AHNAK: variants seen among roughly 807,000 people sequenced by gnomAD.
AHNAK encodes AHNAK nucleoprotein.
AHNAK carries 23 observed loss-of-function variants against 37.8 expected under a neutral mutation model. That is an observed-to-expected ratio of 0.61 (90% confidence interval 0.44 to 0.86). AHNAK has a LOEUF of 0.86. Among genes scored for constraint, AHNAK ranks in the 40% least tolerant of loss-of-function variants. AHNAK has a pLI of 0.00. For missense variants in AHNAK, 7,411 were observed against 7,319.4 expected (o/e 1.01, Z -0.46); for synonymous variants, 2,481 against 2,636.3 (o/e 0.94, Z 1.80).
chr11:62,512,945 A>G (rs898954153), downstream of AHNAK, among the ~76,000 whole-genome samples: 1 of 151,712 alleles, frequency 6.6e-6, no homozygotes, highest in Non-Finnish European at 1.5e-5. This position sits in a 1 kb window ranked among gnomAD's most constrained non-coding sequence, Gnocchi z 4.0. Flanking sequence ...GGGAGGGAGG[A>G]AGGAAGGAAA....
chr11:62,500,410 G>A (rs2134173547), intron 4 of AHNAK, among the ~76,000 whole-genome samples: 1 of 152,276 alleles, frequency 6.6e-6, no homozygotes, highest in East Asian at 1.9e-4. Flanking sequence ...GTTCACACAG[G>A]TGCTAGAAGG....
Position 62,531,272 on chromosome 11 carries a change from T to C in AHNAK, c.3145A>G (p.Lys1049Glu). The change falls in exon 5 of 5, where the codon AAG (lysine) becomes GAG (glutamate). Residue 1049 changes from lysine to glutamate, a missense_variant. Coordinates refer to ENST00000378024, the MANE Select transcript of AHNAK (RefSeq NM_001620.3). ...PDLSLEGPEG[K>E]LKGPKFKMPE... ...ATCTTAAACTTCGGGCCTTTCAACT[T>C]CCCTTCAGGTCCTTCAAGGCTCAGA... is the stretch of plus-strand genomic sequence containing the variant. 1 of 1,613,350 alleles carries C rather than the reference T, an allele frequency of 6.2e-7. No homozygotes were observed. The highest frequency in any genetic ancestry group is 8.5e-7 in the Non-Finnish European group (1 of 1,179,702).
Position 62,525,967 on chromosome 11 carries a change from T to C in AHNAK, c.8450A>G (p.Lys2817Arg), listed in dbSNP as rs554480486. The C allele has an allele frequency of 2.5e-6, 4 of 1,613,944 alleles. No individual in the cohort carries two copies. The highest frequency in any genetic ancestry group is 3.4e-6 in the Non-Finnish European group (4 of 1,180,004). The change falls in exon 5 of 5, where the codon AAG becomes AGG. Residue 2817 changes from lysine to arginine, a missense_variant. Lys to Arg is a conservative substitution (Grantham distance 26). Transcript: ENST00000378024. ...PDVNIEGPEG[K>R]WKSPKFKMPE... ...CATCTTAAACTTTGGACTTTTCCAC[T>C]TTCCTTCAGGTCCTTCGATATTCAC...
At chr11:62,457,156 C>G (rs1938674043) in intron 5 of AHNAK, among the ~76,000 whole-genome samples, 1 of 152,052 alleles carries the variant, frequency 6.6e-6, no homozygotes, top group African/African-American at 2.4e-5. Flanking sequence ...AGAATACCCT[C>G]TACTAAAAAT....
At chr11:62,473,700 G>T (rs886332081) in intron 5 of AHNAK, among the ~76,000 whole-genome samples, 1 of 150,098 alleles carries the variant, frequency 6.7e-6, no homozygotes, top group Non-Finnish European at 1.5e-5. Context: ...AAAAAAAGCT[G>T]TATAAAACAA....
chr11:62,482,377 T>C (rs1463931755), intron 5 of AHNAK, among the ~76,000 whole-genome samples: 3 of 151,290 alleles, frequency 2.0e-5, no homozygotes. Context: ...ATCGCGCCAC[T>C]GCACTCCAGC....
chr11:62,471,738 A>T lies in AHNAK; in HGVS notation c.442+19994T>A, dbSNP rs1457287579. On this transcript the variant is annotated intron_variant, in intron 5 of 5. Transcript: ENST00000257247. ...GGGGCCAGGCAGCCCATGGCAGGTG[A>T]AGCCGGACATGCCCTGAGGCCTGGG... 2.6e-5 allele frequency among the ~76,000 whole-genome samples: 4 copies of T among 152,216 alleles called. No individual in the cohort carries two copies. In the East Asian group the frequency reaches 7.7e-4, roughly 29 times the overall value.
chr11:62,530,112 T>G lies in AHNAK; in HGVS notation c.4305A>C (p.Lys1435Asn). ...VNIEGPDAKL[K>N]GPKFKMPEMS... ...TTTCTGGCATCTTGAATTTGGGACC[T>G]TTTAGTTTTGCGTCTGGACCTTCAA... Residue 1435 changes from lysine (K) to asparagine (N), a missense_variant, in exon 5 of 5, where the codon AAA becomes AAC. Physicochemically the swap from Lys to Asn is moderately conservative, Grantham distance 94. Coordinates refer to ENST00000378024, the MANE Select transcript of AHNAK (RefSeq NM_001620.3). 6.2e-7 allele frequency: 1 copy of G among 1,614,162 alleles called. No homozygotes were observed. Among genetic ancestry groups the G allele is most frequent in the South Asian group, 1.1e-5 (1 of 91,082 alleles).
In AHNAK at chr11:62,533,376, C is replaced by G. The variant is rs1165526650; in HGVS notation, c.1041G>C (p.Leu347Phe). The G allele has an allele frequency of 1.3e-6, 2 of 1,584,290 alleles. No homozygotes were observed. Among genetic ancestry groups the G allele is most frequent in the South Asian group, 2.4e-5 (2 of 84,340 alleles). Residue 347 changes from leucine (L) to phenylalanine (F), a missense_variant, in exon 5 of 5, where the codon TTG (leucine) becomes TTC (phenylalanine). Transcript: ENST00000378024. ...CTTCCAGCTGAGGGGCTTGGATAGT[C>G]AAGCCTGGCTTGCCGCCCTTGTGCC... ...SVGHKGGKPG[L>F]TIQAPQLEVS...
chr11:62,463,123 CAAAAA>C (rs142849834), intron 5 of AHNAK, among the ~76,000 whole-genome samples: 4 of 77,854 alleles, frequency 5.1e-5, no homozygotes, highest in Admixed American at 1.3e-4. Context: ...GACTCAGTCT[CAAAAA>C]AAAAAAAAAA....
chr11:62,465,060 C>T (rs977337197), intron 5 of AHNAK, among the ~76,000 whole-genome samples: 5 of 152,140 alleles, frequency 3.3e-5, no homozygotes, highest in African/African-American at 1.2e-4. Context: ...TCCTTTGCTG[C>T]ATCCTCTTCC....
intron 5 of AHNAK, among the ~76,000 whole-genome samples, chr11:62,465,160 G>A (rs986269515): frequency 1.3e-5 from 2 of 152,162 alleles, no homozygotes; most frequent in Non-Finnish European, 1.5e-5. Flanking sequence ...CCCAGTTGGT[G>A]CCAAGCAGTC....
Position 62,532,498 on chromosome 11 carries a change from C to T in AHNAK, c.1919G>A (p.Gly640Glu). ...KMKMPTFSTP[G>E]AKGEGPDVHM... ...AACATCTGGACCTTCCCCTTTGGCTCCTGGAGTGCTGAACGTGGGCATTTT... is the reference window on the plus strand; with the variant it reads ...AACATCTGGACCTTCCCCTTTGGCTTCTGGAGTGCTGAACGTGGGCATTTT... Residue 640 changes from glycine to glutamate, a missense_variant, in exon 5 of 5, where the codon GGA becomes GAA. Physicochemically the swap from Gly to Glu is moderately conservative, Grantham distance 98. Transcript: ENST00000378024. The T allele has an allele frequency of 6.2e-7, 1 of 1,614,024 alleles. No homozygotes were observed. The highest frequency in any genetic ancestry group is 1.1e-5 in the South Asian group (1 of 91,070).
intron 5 of AHNAK, among the ~76,000 whole-genome samples, chr11:62,461,168 A>C (rs1938778484): frequency 2.2e-5 from 1 of 46,154 alleles, no homozygotes; most frequent in African/African-American, 6.0e-5. Context: ...TTTTTTTGAG[A>C]CAGAGTCTCA....
Position 62,522,274 on chromosome 11 carries a change from T to C in AHNAK, c.12143A>G (p.Asp4048Gly). 1.2e-6 allele frequency: 2 copies of C among 1,613,350 alleles called. No individual in the cohort carries two copies. The highest frequency in any genetic ancestry group is 1.7e-6 in the Non-Finnish European group (2 of 1,179,874). Residue 4048 changes from aspartate (D) to glycine (G), a missense_variant, in exon 5 of 5, where the codon GAT becomes GGT. Transcript: ENST00000378024. ...KGPKVDIDAP[D>G]VDVHGPDWHL... ...CCAGTCTGGGCCATGAACATCCACA[T>C]CTGGGGCATCAATGTCCACTTTGGG...
rs750228131 is a variant in AHNAK at position 62,530,738 on chromosome 11, G to A, written c.3679C>T (p.Pro1227Ser). The A allele has an allele frequency of 6.2e-7, 1 of 1,613,702 alleles. No homozygotes were observed. Among genetic ancestry groups the A allele is most frequent in the Non-Finnish European group, 8.5e-7 (1 of 1,179,980 alleles). ...VPKVEGEMKV[P>S]DVEIKGPKMD... ...TTGGGTCCTTTGATTTCAACATCTGGCACTTTCATTTCACCTTCTACCTTG... is the reference window on the plus strand; with the variant it reads ...TTGGGTCCTTTGATTTCAACATCTGACACTTTCATTTCACCTTCTACCTTG... The change falls in exon 5 of 5, where the codon CCA (proline) becomes TCA (serine). Residue 1227 changes from proline (P) to serine (S), a missense_variant. By Grantham distance (74) the Pro-to-Ser change is moderately conservative. Transcript: ENST00000378024.
rs753471222 is a variant in AHNAK at position 62,521,998 on chromosome 11, C to T, written c.12419G>A (p.Gly4140Asp). The T allele has an allele frequency of 2.5e-6, 4 of 1,613,768 alleles. No homozygotes were observed. Among genetic ancestry groups the T allele is most frequent in the Non-Finnish European group, 3.4e-6 (4 of 1,179,976 alleles). ...GTCCACGTCGCCCTTCATCTTTGGA[C>T]CTTTCAGATTCAGGTCAACTTCAGG... ...SMPEVDLNLK[G>D]PKMKGDVDVS... is the part of the protein sequence containing the mutation. Residue 4140 changes from glycine (G) to aspartate (D), a missense_variant, in exon 5 of 5, where the codon GGT (glycine) becomes GAT (aspartate). Physicochemically the swap from Gly to Asp is moderately conservative, Grantham distance 94 (BLOSUM62 -1). Transcript: ENST00000378024.
chr11:62,491,741 G>C (rs751106229), exon 5 of AHNAK: 1 of 1,610,700 alleles, frequency 6.2e-7, no homozygotes, highest in Non-Finnish European at 8.5e-7. Flanking sequence ...CCTGCATTTG[G>C]GGTGGAGACT....
Position 62,521,617 on chromosome 11 carries a change from T to C in AHNAK, c.12800A>G (p.Lys4267Arg). The C allele has an allele frequency of 1.9e-6, 3 of 1,612,916 alleles. No homozygotes were observed. Among genetic ancestry groups the C allele is most frequent in the Non-Finnish European group, 2.5e-6 (3 of 1,179,792 alleles). The change falls in exon 5 of 5, where the codon AAA becomes AGA. Residue 4267 changes from lysine (K) to arginine (R), a missense_variant. Coordinates refer to ENST00000378024, the MANE Select transcript of AHNAK (RefSeq NM_001620.3). ...ISMPDFDLHL[K>R]GPKVKGDVDV... ...CACATCACCCTTCACCTTGGGACCT[T>C]TCAGATGCAAATCAAAGTCAGGCAT...
Sources: gnomAD v4.1 joint callset for allele counts (sites outside exome capture counted in the v4.1 genomes callset) on GRCh38, gnomAD v4.1.1 for gene constraint, Gnocchi (gnomAD v3.1) non-coding constraint, MANE v1.5 for transcripts, NCBI Gene and HGNC (gene_info 2026-07-23, HGNC 2026-07-21) for gene names.